LRRC1: variants seen among roughly 807,000 people sequenced by gnomAD.
The protein encoded by LRRC1 is leucine rich repeat containing 1, also known as leucine-rich repeat-containing protein 1.
A neutral mutation model predicts 69.9 loss-of-function variants in LRRC1; 28 were observed. The observed-to-expected ratio is 0.40, with a 90% CI of 0.30 to 0.55. LRRC1 has a LOEUF of 0.55. LRRC1 is among the 20% of genes least tolerant of loss of function. The probability of loss-of-function intolerance (pLI) is 0.47; values close to 1 mark genes in which losing one functional copy is unlikely to be tolerated. For missense variants in LRRC1, 498 were observed against 609.0 expected (o/e 0.82, Z 1.92); for synonymous variants, 236 against 240.2 (o/e 0.98, Z 0.16).
At position 53,862,317 on chromosome 6, in the gene LRRC1, GTGTGTGTGTA is replaced by G. The variant is rs780545730; in HGVS notation, c.278-16672_278-16663del. Among the ~76,000 whole-genome samples the G allele has an allele frequency of 5.8e-5, 8 of 137,088 alleles. No homozygotes were observed. The East Asian group carries it at 2.3e-3, about 39-fold the overall frequency. The allele number at this position is 137,088 out of a possible 152,430, so 89.9% of individuals were successfully genotyped here. A position where few individuals can be genotyped will look rare whatever the true frequency, so the allele number is the denominator to read the frequency against. ...TGTGTGTGTGTGTGTGTGTGTGTGT[GTGTGTGTGTA>G]TGTTTATGTATATAGTTTTGGAAGA... On this transcript the variant is annotated intron_variant, in intron 2 of 13. Coordinates refer to ENST00000370888, the MANE Select transcript of LRRC1 (RefSeq NM_018214.5).
intron 2 of LRRC1, among the ~76,000 whole-genome samples, chr6:53,852,907 A>C (rs1766184254): frequency 6.6e-6 from 1 of 152,168 alleles, no homozygotes; most frequent in Non-Finnish European, 1.5e-5. Flanking sequence ...AGACTGGATA[A>C]TTTATAAACA....
chr6:53,850,801 T>C (rs1766103154), intron 2 of LRRC1, among the ~76,000 whole-genome samples: 5 of 152,186 alleles, frequency 3.3e-5, no homozygotes, highest in Non-Finnish European at 5.9e-5. Context: ...CTGTGCTCCA[T>C]AGAGTCTTTC....
chr6:53,922,914 G>T lies in LRRC1; in HGVS notation c.*121G>T. On this transcript the variant is annotated 3_prime_UTR_variant, in exon 14 of 14. Transcript: ENST00000370888. Reference sequence around the variant, plus strand: ...AGCCCCCGCGCGCCATCTTCCCGTGGAGTGTGGGGAAGCTGCTGTCTCCCA... The same window carrying T: ...AGCCCCCGCGCGCCATCTTCCCGTGTAGTGTGGGGAAGCTGCTGTCTCCCA... The T allele has an allele frequency of 1.1e-6, 1 of 902,600 alleles. No individual in the cohort carries two copies. The highest frequency in any genetic ancestry group is 1.7e-6 in the Non-Finnish European group (1 of 591,256). 55.9% of individuals were successfully genotyped at this position (902,600 alleles called of 1,614,324 possible). A position where few individuals can be genotyped will look rare whatever the true frequency, so the allele number is the denominator to read the frequency against.
intron 2 of LRRC1, among the ~76,000 whole-genome samples, chr6:53,864,634 T>C (rs1397085892): frequency 1.3e-5 from 2 of 152,124 alleles, no homozygotes; most frequent in Non-Finnish European, 1.5e-5. Context: ...ATCTCAATAC[T>C]TGTGGCAAAG....
intron 1 of LRRC1, among the ~76,000 whole-genome samples, chr6:53,810,205 CAG>C (rs1214743232): frequency 6.6e-6 from 1 of 152,218 alleles, no homozygotes; most frequent in Non-Finnish European, 1.5e-5. Flanking sequence ...TCTTTCCCGT[CAG>C]GGAGTAGTAG....
intron 1 of LRRC1, among the ~76,000 whole-genome samples, chr6:53,803,516 G>A (rs1230222879): frequency 1.3e-5 from 2 of 152,152 alleles, no homozygotes; most frequent in Non-Finnish European, 2.9e-5. Context: ...GTATGATTTA[G>A]TGGACAGGAA....
intron 1 of LRRC1, among the ~76,000 whole-genome samples, chr6:53,830,885 A>G (rs1396801150): frequency 6.7e-6 from 1 of 150,288 alleles, no homozygotes; most frequent in East Asian, 2.0e-4. Context: ...TTGGTGCAAA[A>G]GTAATTATGG....
intron 1 of LRRC1, among the ~76,000 whole-genome samples, chr6:53,814,237 A>G (rs1379902480): frequency 6.6e-6 from 1 of 152,222 alleles, no homozygotes; most frequent in Non-Finnish European, 1.5e-5. Context: ...TTTTAAACTC[A>G]GTGAATTAAC....
At chr6:53,868,786 A>C (rs1766790163) in intron 2 of LRRC1, among the ~76,000 whole-genome samples, 1 of 152,126 alleles carries the variant, frequency 6.6e-6, no homozygotes, top group Non-Finnish European at 1.5e-5. Context: ...AGATACTCTC[A>C]TTTTGATAAC....
chr6:53,836,965 T>C lies in LRRC1; in HGVS notation c.160-5145T>C, dbSNP rs958617785. Among the ~76,000 whole-genome samples the C allele has an allele frequency of 2.6e-5, 4 of 152,308 alleles. No individual in the cohort carries two copies. In the East Asian group the frequency reaches 7.7e-4, roughly 29 times the overall value. ...TCAGGTGATTTATTCAACATATAAATGAAATAATATAGTATGCATTTTTGT... is the reference window on the plus strand; with the variant it reads ...TCAGGTGATTTATTCAACATATAAACGAAATAATATAGTATGCATTTTTGT... On this transcript the variant is annotated intron_variant, in intron 1 of 13. Coordinates refer to ENST00000370888, the MANE Select transcript of LRRC1 (RefSeq NM_018214.5).
chr6:53,856,393 CAG>C (rs1766310519), intron 2 of LRRC1, among the ~76,000 whole-genome samples: 1 of 152,132 alleles, frequency 6.6e-6, no homozygotes, highest in African/African-American at 2.4e-5. Context: ...AGTCCTGTCT[CAG>C]AGGTATTCCT....
chr6:53,911,070 G>C (rs1768393608), intron 10 of LRRC1, among the ~76,000 whole-genome samples: 1 of 152,186 alleles, frequency 6.6e-6, no homozygotes, highest in Non-Finnish European at 1.5e-5. Flanking sequence ...AGACAATAGA[G>C]ATCAGGAGGT....
chr6:53,895,523 G>C (rs1767842142), intron 4 of LRRC1, among the ~76,000 whole-genome samples: 1 of 152,272 alleles, frequency 6.6e-6, no homozygotes, highest in African/African-American at 2.4e-5. Flanking sequence ...TTTGTGTTCT[G>C]TGTGCTCAGA....
intron 1 of LRRC1, among the ~76,000 whole-genome samples, chr6:53,811,377 G>A (rs970327861): frequency 2.6e-5 from 4 of 152,200 alleles, no homozygotes; most frequent in Admixed American, 2.6e-4. Flanking sequence ...AGCATGTCCT[G>A]CTGGCAGAGG....
At chr6:53,874,838 TA>T (rs1284296525) in intron 2 of LRRC1, among the ~76,000 whole-genome samples, 2 of 152,184 alleles carry the variant, frequency 1.3e-5, no homozygotes, top group African/African-American at 4.8e-5. Flanking sequence ...TTTAAAGGCC[TA>T]AAAGCTATAA....
intron 11 of LRRC1, among the ~76,000 whole-genome samples, chr6:53,915,651 T>C (rs1205523173): frequency 2.6e-5 from 4 of 152,216 alleles, no homozygotes; most frequent in African/African-American, 9.6e-5. Context: ...AAGGCCCATT[T>C]CTCCAGTTCT....
At position 53,842,103 on chromosome 6, in the gene LRRC1, C is replaced by T. The variant is rs1239030480; in HGVS notation, c.160-7C>T. 1.3e-6 allele frequency: 2 copies of T among 1,577,740 alleles called. No homozygotes were observed. Among genetic ancestry groups the T allele is most frequent in the Non-Finnish European group, 8.7e-7 (1 of 1,147,810 alleles). ...TGAAATCTATGTTAAACTCTTTTGT[C>T]TTTCAGCAATTTTTCCAGCTAGTCA... On this transcript the variant is annotated splice_region_variant and splice_polypyrimidine_tract_variant and intron_variant, in intron 1 of 13. Coordinates refer to ENST00000370888, the MANE Select transcript of LRRC1 (RefSeq NM_018214.5).
chr6:53,878,450 G>C (rs1207497969), intron 2 of LRRC1, among the ~76,000 whole-genome samples: 1 of 152,208 alleles, frequency 6.6e-6, no homozygotes, highest in Non-Finnish European at 1.5e-5. Flanking sequence ...TCCCATCTGG[G>C]GGTGATGGGA....
At chr6:53,835,601 G>A (rs1765591545) in intron 1 of LRRC1, among the ~76,000 whole-genome samples, 1 of 152,162 alleles carries the variant, frequency 6.6e-6, no homozygotes. Context: ...ATGATTGTTT[G>A]AATTATCTGC....
Sources: allele counts gnomAD v4.1 joint callset (sites outside exome capture counted in the v4.1 genomes callset), GRCh38; gene constraint gnomAD v4.1.1; transcripts MANE v1.5; gene names NCBI Gene and HGNC (gene_info 2026-07-23, HGNC 2026-07-21).